The following CCDC102A variants were observed in gnomAD, a reference collection of about 807,000 sequenced individuals.
The protein encoded by CCDC102A is coiled-coil domain-containing protein 102A.
Under a neutral mutation model 55.5 loss-of-function variants are expected in CCDC102A, and 40 were observed. That is an observed-to-expected ratio of 0.72 (90% CI 0.56 to 0.94). The LOEUF is 0.94. Among genes scored for constraint, CCDC102A ranks in the 40% least tolerant of loss-of-function variants. The pLI is 0.00. For synonymous variants in CCDC102A, 323 were observed against 339.0 expected (o/e 0.95, Z 0.52); for missense variants, 779 against 768.6 (o/e 1.01, Z -0.16).
intron 3 of CCDC102A, among the ~76,000 whole-genome samples, chr16:57,521,674 G>T (rs1378678180): frequency 6.6e-6 from 1 of 152,148 alleles, no homozygotes; most frequent in African/African-American, 2.4e-5. Flanking sequence ...CCGAAGAGAG[G>T]GTTCTCTCTT....
At position 57,518,206 on chromosome 16, in the gene CCDC102A, GC is replaced by G; in HGVS notation, c.1109del (p.Gly370AlafsTer35). 1 of 1,612,542 alleles carries G rather than the reference GC, an allele frequency of 6.2e-7. No homozygotes were observed. The highest frequency in any genetic ancestry group is 8.5e-7 in the Non-Finnish European group (1 of 1,179,916). The part of the protein sequence containing the change: ...RRERLETEKL[G>X]LERENKKLRA... ...GCAGCTTCTTGTTCTCCCGCTCAAGGCCCAGTTTCTCTGTCTCCAGCCGCTC... is the reference window on the plus strand; with the variant it reads ...GCAGCTTCTTGTTCTCCCGCTCAAGGCCAGTTTCTCTGTCTCCAGCCGCTC... On this transcript the variant is annotated frameshift_variant, in exon 6 of 9. Transcript: ENST00000258214. LOFTEE classifies it high-confidence loss of function.
chr16:57,524,671 G>A (rs752817046), intron 3 of CCDC102A, among the ~76,000 whole-genome samples: 1 of 152,100 alleles, frequency 6.6e-6, no homozygotes, highest in Admixed American at 6.5e-5. Context: ...ATCCCAAAGT[G>A]CTATGATTAC....
intron 2 of CCDC102A, 130 bp downstream of exon 2, chr16:57,528,463 C>T (rs2032181577): frequency 1.6e-6 from 1 of 628,670 alleles, no homozygotes; most frequent in Admixed American, 5.8e-5. Flanking sequence ...AAGGGTAGAA[C>T]CCGACCTGGA....
rs78817170 is a variant in CCDC102A at position 57,525,893 on chromosome 16, C to T, written c.812+8G>A. ...TGGCCCTGCCCCCTCCCGCCTCCCA[C>T]GACTCACTCTCGCTCCTTGAGCAGC... is the stretch of plus-strand genomic sequence containing the variant. On this transcript the variant is annotated splice_region_variant and intron_variant, in intron 3 of 8. Transcript: ENST00000258214. 2.7e-3 allele frequency: 4,417 copies of T among 1,611,834 alleles called. 102 individuals carry two copies. The African/African-American group carries it at 0.052, about 19-fold the overall frequency.
intron 2 of CCDC102A, 32 bp downstream of exon 2, chr16:57,528,559 ACT>A: frequency 1.7e-6 from 2 of 1,191,348 alleles, no homozygotes; most frequent in Non-Finnish European, 2.1e-6. Flanking sequence ...CCACTTCGAG[ACT>A]GGAGCGCGAA....
chr16:57,512,924 T>A, intron 8 of CCDC102A, 54 bp from the exon 9 acceptor site: 1 of 1,524,762 alleles, frequency 6.6e-7, no homozygotes, highest in South Asian at 1.1e-5. Flanking sequence ...AGTCCCCCGA[T>A]AAGGTGGCTG....
intron 8 of CCDC102A, among the ~76,000 whole-genome samples, chr16:57,513,870 C>T (rs1253858840): frequency 6.6e-6 from 1 of 152,220 alleles, no homozygotes; most frequent in East Asian, 1.9e-4. Flanking sequence ...GTCTCTGCAG[C>T]CCATTCTCTA....
At chr16:57,520,588 T>TAACATAACATAACATAACAA (rs1567602878) in intron 4 of CCDC102A, among the ~76,000 whole-genome samples, 1 of 125,452 alleles carries the variant, frequency 8.0e-6, no homozygotes, top group East Asian at 2.2e-4. Context: ...TAACATAACA[T>TAACATAACATAACATAACAA]AACATAAATA....
At chr16:57,520,418 C>A (rs1295507357) in intron 4 of CCDC102A, among the ~76,000 whole-genome samples, 1 of 152,086 alleles carries the variant, frequency 6.6e-6, no homozygotes, top group Non-Finnish European at 1.5e-5. Context: ...TGTTTTGACT[C>A]CTTCATAAAT....
In CCDC102A at chr16:57,518,216, T is replaced by C; in HGVS notation, c.1100A>G (p.Glu367Gly). 4 of 1,612,520 alleles carry C rather than the reference T, an allele frequency of 2.5e-6. No individual in the cohort carries two copies. The highest frequency in any genetic ancestry group is 3.4e-6 in the Non-Finnish European group (4 of 1,179,920). The stretch of plus-strand genomic sequence containing the variant: ...GTTCTCCCGCTCAAGGCCCAGTTTC[T>C]CTGTCTCCAGCCGCTCCCGGCGGCC... The part of the protein sequence containing the change: ...EWGRRERLET[E>G]KLGLERENKK... Residue 367 changes from glutamate to glycine, a missense_variant, in exon 6 of 9, where the codon GAG (glutamate) becomes GGG (glycine). By Grantham distance (98) the Glu-to-Gly change is moderately conservative. Coordinates refer to ENST00000258214, the MANE Select transcript of CCDC102A (RefSeq NM_033212.4).
intron 3 of CCDC102A, among the ~76,000 whole-genome samples, chr16:57,524,901 T>G (rs1007602028): frequency 4.6e-5 from 7 of 152,150 alleles, no homozygotes; most frequent in Admixed American, 6.5e-5. Flanking sequence ...CTGATCACTC[T>G]GTCCTCCGGG....
chr16:57,512,663 T>C lies in CCDC102A; in HGVS notation c.*78A>G. On this transcript the variant is annotated 3_prime_UTR_variant, in exon 9 of 9. Transcript: ENST00000258214. ...CTGGTCCCAGAGTGAGCCTAGGCAC[T>C]GCATCAGTTTGAGTGGCTGGTTAGC... is the stretch of plus-strand genomic sequence containing the variant. The C allele has an allele frequency of 6.5e-7, 1 of 1,534,458 alleles. No individual in the cohort carries two copies. The highest frequency in any genetic ancestry group is 2.3e-5 in the East Asian group (1 of 44,034).
intron 3 of CCDC102A, among the ~76,000 whole-genome samples, chr16:57,523,842 C>G (rs1598074660): frequency 6.6e-6 from 1 of 152,144 alleles, no homozygotes; most frequent in Admixed American, 6.5e-5. Context: ...TCTGGGTTGT[C>G]CCCTCTGGGA....
intron 1 of CCDC102A, among the ~76,000 whole-genome samples, chr16:57,531,547 G>C (rs2032263413): frequency 6.6e-6 from 1 of 152,132 alleles, no homozygotes; most frequent in Admixed American, 6.5e-5. Flanking sequence ...AACAGCCAGA[G>C]TGAGTTCTTG....
chr16:57,525,933 A>G lies in CCDC102A; in HGVS notation c.780T>C (p.Asp260=). 1 of 1,612,246 alleles carries G rather than the reference A, an allele frequency of 6.2e-7. No individual in the cohort carries two copies. Among genetic ancestry groups the G allele is most frequent in the Non-Finnish European group, 8.5e-7 (1 of 1,179,392 alleles). The change falls in exon 3 of 9, where the codon GAT becomes GAC. Residue 260 remains aspartate (D), a synonymous_variant. Transcript: ENST00000258214. ...SKLTALRLRL[D]ESQKVLLKER... ...CCTTGAGCAGCACCTTCTGGGACTC[A>G]TCCAGCCGTAGCCGCAGGGCGGTCA...
At chr16:57,525,095 A>C (rs2032114037) in intron 3 of CCDC102A, among the ~76,000 whole-genome samples, 1 of 151,146 alleles carries the variant, frequency 6.6e-6, no homozygotes, top group Non-Finnish European at 1.5e-5. Context: ...TTATTTATTT[A>C]TTTATTTATT....
intron 1 of CCDC102A, among the ~76,000 whole-genome samples, chr16:57,534,947 T>C (rs1268771471): frequency 2.6e-5 from 4 of 152,186 alleles, no homozygotes; most frequent in Admixed American, 1.3e-4. Flanking sequence ...GTGAGAGGAA[T>C]GAGCAATGCC....
At chr16:57,524,086 A>G (rs1414082923) in intron 3 of CCDC102A, among the ~76,000 whole-genome samples, 1 of 151,934 alleles carries the variant, frequency 6.6e-6, no homozygotes, top group Non-Finnish European at 1.5e-5. Flanking sequence ...GCAAGAGAGA[A>G]CCCTCTCTTC....
Position 57,528,950 on chromosome 16 carries a change from C to T in CCDC102A, c.228G>A (p.Arg76=). ...CCCGCGCCTCCTCCAGCTCCCGCAG[C>T]CGCAGCTCCTCGCGGCTCTCCCAGT... ...DGDWESREEL[R]LRELEEARAR... The change falls in exon 2 of 9, where the codon CGG becomes CGA. Residue 76 remains arginine (R), a synonymous_variant. Transcript: ENST00000258214. 1 of 1,380,698 alleles carries T rather than the reference C, an allele frequency of 7.2e-7. No individual in the cohort carries two copies. Among genetic ancestry groups the T allele is most frequent in the African/African-American group, 1.6e-5 (1 of 63,920 alleles). 85.5% of individuals were successfully genotyped at this position (1,380,698 alleles called of 1,614,324 possible).
Sources: allele counts gnomAD v4.1 joint callset (sites outside exome capture counted in the v4.1 genomes callset), GRCh38; gene constraint gnomAD v4.1.1; transcripts MANE v1.5; gene names NCBI Gene and HGNC (gene_info 2026-07-23, HGNC 2026-07-21).